OR4K2: variants seen among roughly 807,000 people sequenced by gnomAD.
The protein encoded by OR4K2 is olfactory receptor 4K2.
Under a neutral mutation model 10.5 loss-of-function variants are expected in OR4K2, and 8 were observed. That is an observed-to-expected ratio of 0.76 (90% confidence interval 0.45 to 1.37). The LOEUF is 1.37. Ranked by LOEUF, OR4K2 falls within the 40% of genes most tolerant of loss-of-function variation. The pLI is 0.00. For synonymous variants in OR4K2, 178 were observed against 133.6 expected, an observed-to-expected ratio of 1.33 and a Z score of -2.29; for missense variants, 547 against 379.5, an observed-to-expected ratio of 1.44 and a Z score of -3.67.
Position 19,876,287 on chromosome 14 carries a change from C to A in OR4K2, c.20C>A (p.Ser7Tyr). Reference sequence around the variant, plus strand: ...AAGACAATGGATGTGGGCAATAAGTCTACCATGTCTGAATTTGTTTTGCTG... The same window carrying A: ...AAGACAATGGATGTGGGCAATAAGTATACCATGTCTGAATTTGTTTTGCTG... MDVGNK[S>Y]TMSEFVLLGL... The change falls in exon 2 of 2, where the codon TCT (serine) becomes TAT (tyrosine). Residue 7 changes from serine (S) to tyrosine (Y), a missense_variant. Physicochemically the swap from Ser to Tyr is moderately radical, Grantham distance 144 (BLOSUM62 -2). Coordinates refer to ENST00000641885, the MANE Select transcript of OR4K2 (RefSeq NM_001005501.2). The A allele has an allele frequency of 6.5e-7, 1 of 1,526,748 alleles. No homozygotes were observed. Among genetic ancestry groups the A allele is most frequent in the East Asian group, 2.7e-5 (1 of 37,048 alleles). The allele number at this position is 1,526,748 out of a possible 1,614,324, so 94.6% of individuals were successfully genotyped here. A position where few individuals can be genotyped will look rare whatever the true frequency, so the allele number is the denominator to read the frequency against.
At position 19,876,595 on chromosome 14, in the gene OR4K2, A is replaced by G; in HGVS notation, c.328A>G (p.Thr110Ala). Residue 110 changes from threonine (T) to alanine (A), a missense_variant, in exon 2 of 2, where the codon ACT (threonine) becomes GCT (alanine). Physicochemically the swap from Thr to Ala is moderately conservative, Grantham distance 58. Transcript: ENST00000641885. Reference sequence around the variant, plus strand: ...ATTCTTTCTCCACCTTTTCACTGGAACTGAGATCATCTTACTCATGGCCAT... The same window carrying G: ...ATTCTTTCTCCACCTTTTCACTGGAGCTGAGATCATCTTACTCATGGCCAT... The part of the protein sequence containing the change: ...QIFFLHLFTG[T>A]EIILLMAMSF... The G allele has an allele frequency of 1.2e-6, 2 of 1,614,232 alleles. No homozygotes were observed. Among genetic ancestry groups the G allele is most frequent in the Non-Finnish European group, 1.7e-6 (2 of 1,180,014 alleles).
At position 19,882,375 on chromosome 14, in the gene OR4K2, G is replaced by C. The variant is rs1041248224; in HGVS notation, c.*5163G>C. On this transcript the variant is annotated 3_prime_UTR_variant, in exon 2 of 2. Coordinates refer to ENST00000641885, the MANE Select transcript of OR4K2 (RefSeq NM_001005501.2). ...TAGATTTCAAGATTCTTATGCAACA[G>C]AAAACATGCTAATAGAGGGTGGATT... The C allele has an allele frequency of 6.7e-6, 1 of 149,424 alleles. No individual in the cohort carries two copies. Among genetic ancestry groups the C allele is most frequent in the Non-Finnish European group, 1.5e-5 (1 of 68,018 alleles). The allele number at this position is 149,424 out of a possible 1,614,324, so 9.3% of individuals were successfully genotyped here.
In OR4K2 at chr14:19,881,878, A is replaced by G. The variant is rs1771123812; in HGVS notation, c.*4666A>G. Reference sequence around the variant, plus strand: ...TTAATTAGTAATTTGTTTTTATATAATAATATATTTATATCAATTTTTTCT... The same window carrying G: ...TTAATTAGTAATTTGTTTTTATATAGTAATATATTTATATCAATTTTTTCT... On this transcript the variant is annotated 3_prime_UTR_variant, in exon 2 of 2. Transcript: ENST00000641885. 6.6e-6 allele frequency: 1 copy of G among 151,816 alleles called. No homozygotes were observed. The highest frequency in any genetic ancestry group is 1.5e-5 in the Non-Finnish European group (1 of 67,966). The allele number at this position is 151,816 out of a possible 1,614,324, so 9.4% of individuals were successfully genotyped here.
At position 19,878,759 on chromosome 14, in the gene OR4K2, A is replaced by G. The variant is rs1880971304; in HGVS notation, c.*1547A>G. On this transcript the variant is annotated 3_prime_UTR_variant, in exon 2 of 2. Coordinates refer to ENST00000641885, the MANE Select transcript of OR4K2 (RefSeq NM_001005501.2). ...ATGCTTCTGTAAGCACAAGATTAGC[A>G]TAATTCTATTTTAAATAGGGATACA... 6.6e-6 allele frequency: 1 copy of G among 152,244 alleles called. No homozygotes were observed. Among genetic ancestry groups the G allele is most frequent in the Admixed American group, 6.5e-5 (1 of 15,282 alleles). 9.4% of individuals were successfully genotyped at this position (152,244 alleles called of 1,614,324 possible). A position where few individuals can be genotyped will look rare whatever the true frequency, so the allele number is the denominator to read the frequency against.
Position 19,876,481 on chromosome 14 carries a change from T to C in OR4K2, c.214T>C (p.Ser72Pro), listed in dbSNP as rs758085888. 4.3e-6 allele frequency: 7 copies of C among 1,614,174 alleles called. No individual in the cohort carries two copies. The highest frequency in any genetic ancestry group is 1.7e-5 in the Admixed American group (1 of 60,026). The change falls in exon 2 of 2, where the codon TCT (serine) becomes CCT (proline). Residue 72 changes from serine to proline, a missense_variant. By Grantham distance (74) the Ser-to-Pro change is moderately conservative. Coordinates refer to ENST00000641885, the MANE Select transcript of OR4K2 (RefSeq NM_001005501.2). The stretch of plus-strand genomic sequence containing the variant: ...TACCAATCTTTCAATCATTGATATG[T>C]CTCTTGCTTCTTTCGCCACCCCAAA... ...LLTNLSIIDM[S>P]LASFATPKMI...
In OR4K2 at chr14:19,883,518, T is replaced by C. The variant is rs527616719; in HGVS notation, c.*6306T>C. 1 of 152,386 alleles carries C rather than the reference T, an allele frequency of 6.6e-6. No individual in the cohort carries two copies. The highest frequency in any genetic ancestry group is 1.9e-4 in the East Asian group (1 of 5,194). 9.4% of individuals were successfully genotyped at this position (152,386 alleles called of 1,614,324 possible). A position where few individuals can be genotyped will look rare whatever the true frequency, so the allele number is the denominator to read the frequency against. On this transcript the variant is annotated 3_prime_UTR_variant, in exon 2 of 2. Coordinates refer to ENST00000641885, the MANE Select transcript of OR4K2 (RefSeq NM_001005501.2). ...CTGGAGTCTGCAAAGCCTGTATTTT[T>C]CTTCACTCACCCTAGCATACCATAT...
In OR4K2 at chr14:19,877,576, T is replaced by TC. The variant is rs1880940722; in HGVS notation, c.*364_*365insC. On this transcript the variant is annotated 3_prime_UTR_variant, in exon 2 of 2. Coordinates refer to ENST00000641885, the MANE Select transcript of OR4K2 (RefSeq NM_001005501.2). Reference sequence around the variant, plus strand: ...GTCACTTAGTGAGATGCTCCTAAAGTATGACAAGCTAGCAAGATTCCTATA... The same window carrying TC: ...GTCACTTAGTGAGATGCTCCTAAAGTCATGACAAGCTAGCAAGATTCCTATA... 2 of 198,906 alleles carry TC rather than the reference T, an allele frequency of 1.0e-5. No homozygotes were observed. Among genetic ancestry groups the TC allele is most frequent in the Admixed American group, 1.1e-4 (2 of 17,950 alleles). The allele number at this position is 198,906 out of a possible 1,614,324, so 12.3% of individuals were successfully genotyped here.
chr14:19,876,948 T>A lies in OR4K2; in HGVS notation c.681T>A (p.His227Gln), dbSNP rs537579916. The A allele has an allele frequency of 1.4e-5, 22 of 1,614,074 alleles. No homozygotes were observed. The highest frequency in any genetic ancestry group is 3.3e-4 in the Middle Eastern group (2 of 6,062). The change falls in exon 2 of 2, where the codon CAT becomes CAA. Residue 227 changes from histidine (H) to glutamine (Q), a missense_variant. Physicochemically the swap from His to Gln is conservative, Grantham distance 24 (BLOSUM62 0). Transcript: ENST00000641885. ...SYVIVLVTVK[H>Q]HSSRGSSKAL... ...TTATTGTCCTGGTTACTGTGAAGCA[T>A]CATTCTTCCAGAGGATCATCTAAGG...
chr14:19,880,478 G>C lies in OR4K2; in HGVS notation c.*3266G>C, dbSNP rs894848620. 9 of 152,136 alleles carry C rather than the reference G, an allele frequency of 5.9e-5. No individual in the cohort carries two copies. The highest frequency in any genetic ancestry group is 1.2e-4 in the Non-Finnish European group (8 of 67,994). The allele number at this position is 152,136 out of a possible 1,614,324, so 9.4% of individuals were successfully genotyped here. A position where few individuals can be genotyped will look rare whatever the true frequency, so the allele number is the denominator to read the frequency against. On this transcript the variant is annotated 3_prime_UTR_variant, in exon 2 of 2. Transcript: ENST00000641885. ...TAACCTCTGGATATCTTTGTTTATG[G>C]GACTTGATAGTCTCTTGAGCTAACA... is the stretch of plus-strand genomic sequence containing the variant.
At chr14:19,876,182 T>G in intron 1 of OR4K2, 48 bp downstream of exon 1, 1 of 1,111,646 alleles carries the variant, frequency 9.0e-7, no homozygotes, top group Non-Finnish European at 1.3e-6. Flanking sequence ...TAATTGGAAA[T>G]GAATCTTTTG....
In OR4K2 at chr14:19,877,312, G is replaced by T. The variant is rs1015262437; in HGVS notation, c.*100G>T. ...TTGCCAAGAATTTGTGAGGGCTCAA[G>T]TTCAGTGCATTTTGAAACTATTCTC... On this transcript the variant is annotated 3_prime_UTR_variant, in exon 2 of 2. Coordinates refer to ENST00000641885, the MANE Select transcript of OR4K2 (RefSeq NM_001005501.2). 6 of 806,846 alleles carry T rather than the reference G, an allele frequency of 7.4e-6. No homozygotes were observed. In the East Asian group the frequency reaches 1.3e-4, roughly 18 times the overall value. 50.0% of individuals were successfully genotyped at this position (806,846 alleles called of 1,614,324 possible). A position where few individuals can be genotyped will look rare whatever the true frequency, so the allele number is the denominator to read the frequency against.
rs949813786 is a variant in OR4K2, at chr14:19,879,646, A to G, written c.*2434A>G. ...ATTGAATGCAGATGGAAAAACTGTTAAAAATCAGGTATAGATAAAAACAGA... is the reference window on the plus strand; with the variant it reads ...ATTGAATGCAGATGGAAAAACTGTTGAAAATCAGGTATAGATAAAAACAGA... On this transcript the variant is annotated 3_prime_UTR_variant, in exon 2 of 2. Transcript: ENST00000641885. 1 of 152,254 alleles carries G rather than the reference A, an allele frequency of 6.6e-6. No individual in the cohort carries two copies. Among genetic ancestry groups the G allele is most frequent in the African/African-American group, 2.4e-5 (1 of 41,474 alleles). 9.4% of individuals were successfully genotyped at this position (152,254 alleles called of 1,614,324 possible). A position where few individuals can be genotyped will look rare whatever the true frequency, so the allele number is the denominator to read the frequency against.
Position 19,882,697 on chromosome 14 carries a change from A to G in OR4K2, c.*5485A>G, listed in dbSNP as rs1023555112. 2.6e-5 allele frequency: 4 copies of G among 152,144 alleles called. No individual in the cohort carries two copies. The highest frequency in any genetic ancestry group is 9.7e-5 in the African/African-American group (4 of 41,396). The allele number at this position is 152,144 out of a possible 1,614,324, so 9.4% of individuals were successfully genotyped here. On this transcript the variant is annotated 3_prime_UTR_variant, in exon 2 of 2. Coordinates refer to ENST00000641885, the MANE Select transcript of OR4K2 (RefSeq NM_001005501.2). Reference sequence around the variant, plus strand: ...TTTTCAGTTTCATGAATACATATATACTCAAATATACATCCATACACACTC... The same window carrying G: ...TTTTCAGTTTCATGAATACATATATGCTCAAATATACATCCATACACACTC...
chr14:19,876,499 A>G lies in OR4K2; in HGVS notation c.232A>G (p.Thr78Ala). The change falls in exon 2 of 2, where the codon ACC (threonine) becomes GCC (alanine). Residue 78 changes from threonine to alanine, a missense_variant. Coordinates refer to ENST00000641885, the MANE Select transcript of OR4K2 (RefSeq NM_001005501.2). ...TGATATGTCTCTTGCTTCTTTCGCC[A>G]CCCCAAAGATGATTACAGATTACCT... ...IIDMSLASFA[T>A]PKMITDYLTG... 4 of 1,614,070 alleles carry G rather than the reference A, an allele frequency of 2.5e-6. No individual in the cohort carries two copies. Among genetic ancestry groups the G allele is most frequent in the Non-Finnish European group, 3.4e-6 (4 of 1,179,986 alleles).
In OR4K2 at chr14:19,875,997, G is replaced by C; in HGVS notation, c.-161G>C. 2 of 417,684 alleles carry C rather than the reference G, an allele frequency of 4.8e-6. No individual in the cohort carries two copies. Among genetic ancestry groups the C allele is most frequent in the South Asian group, 6.9e-5 (2 of 28,840 alleles). 25.9% of individuals were successfully genotyped at this position (417,684 alleles called of 1,614,324 possible). ...GTTCAGAATGATATTATCTTGGTTG[G>C]ATTGCCATTAGTATCAGAAAAGAAA... On this transcript the variant is annotated 5_prime_UTR_variant, in exon 1 of 2. Transcript: ENST00000641885.
Position 19,877,024 on chromosome 14 carries a change from C to A in OR4K2, c.757C>A (p.Pro253Thr). The change falls in exon 2 of 2, where the codon CCA becomes ACA. Residue 253 changes from proline to threonine, a missense_variant. Transcript: ENST00000641885. ...HFIVVFLFFG[P>T]CIFIYMWPLS... ...CATTGTTGTCTTCTTGTTCTTTGGG[C>A]CATGCATCTTCATCTACATGTGGCC... 1 of 1,613,622 alleles carries A rather than the reference C, an allele frequency of 6.2e-7. No homozygotes were observed. The highest frequency in any genetic ancestry group is 1.6e-4 in the Middle Eastern group (1 of 6,062).
rs919082631 is a variant in OR4K2 at position 19,879,309 on chromosome 14, C to T, written c.*2097C>T. ...AAATCTTAGTTAGGACTTTAGGACT[C>T]ATGGTGGTTGGTTTTATCGATATAT... On this transcript the variant is annotated 3_prime_UTR_variant, in exon 2 of 2. Coordinates refer to ENST00000641885, the MANE Select transcript of OR4K2 (RefSeq NM_001005501.2). The T allele has an allele frequency of 1.3e-5, 2 of 152,206 alleles. No individual in the cohort carries two copies. The highest frequency in any genetic ancestry group is 2.9e-5 in the Non-Finnish European group (2 of 68,036). 9.4% of individuals were successfully genotyped at this position (152,206 alleles called of 1,614,324 possible). A position where few individuals can be genotyped will look rare whatever the true frequency, so the allele number is the denominator to read the frequency against.
At position 19,876,849 on chromosome 14, in the gene OR4K2, T is replaced by A; in HGVS notation, c.582T>A (p.Val194=). ...AGTTGGCTTGTGTGGATACTTATGT[T>A]CTGGGCCTCTTTATGATCTCAACAA... ...VFQLACVDTY[V]LGLFMISTSG... Residue 194 remains valine (V), a synonymous_variant, in exon 2 of 2, where the codon GTT becomes GTA. Transcript: ENST00000641885. 6.2e-7 allele frequency: 1 copy of A among 1,614,202 alleles called. No homozygotes were observed. Among genetic ancestry groups the A allele is most frequent in the Non-Finnish European group, 8.5e-7 (1 of 1,180,006 alleles).
At position 19,883,343 on chromosome 14, in the gene OR4K2, C is replaced by T. The variant is rs1305934153; in HGVS notation, c.*6131C>T. The stretch of plus-strand genomic sequence containing the variant: ...GAAGCTTATTCTCTACTATATTCCT[C>T]AGGAAGTCTTCTTGAAGACCCTATT... On this transcript the variant is annotated 3_prime_UTR_variant, in exon 2 of 2. Transcript: ENST00000641885. The T allele has an allele frequency of 2.0e-5, 3 of 152,282 alleles. No individual in the cohort carries two copies. The highest frequency in any genetic ancestry group is 2.0e-4 in the Admixed American group (3 of 15,288). The allele number at this position is 152,282 out of a possible 1,614,324, so 9.4% of individuals were successfully genotyped here. A position where few individuals can be genotyped will look rare whatever the true frequency, so the allele number is the denominator to read the frequency against.
Sources: gnomAD v4.1 joint callset for allele counts on GRCh38, gnomAD v4.1.1 for gene constraint, MANE v1.5 for transcripts, NCBI Gene and HGNC (gene_info 2026-07-23, HGNC 2026-07-21) for gene names.